SDHAF3: variants seen among roughly 807,000 people sequenced by gnomAD.
SDHAF3 encodes the protein succinate dehydrogenase complex assembly factor 3, also known as succinate dehydrogenase assembly factor 3, mitochondrial.
In SDHAF3, 18 loss-of-function variants were observed where a neutral mutation model predicts 11.5. The ratio of observed to expected loss-of-function variants is 1.56; its 90% CI spans 1.08 to 2.32. The LOEUF is 2.32. Among genes scored for constraint, SDHAF3 ranks in the 30% most tolerant of loss-of-function variants. The probability of loss-of-function intolerance (pLI) is 0.00; values close to 1 mark genes in which losing one functional copy is unlikely to be tolerated. For synonymous variants in SDHAF3, 72 were observed against 59.3 expected (o/e 1.21, Z -0.99); for missense variants, 200 against 154.4 (o/e 1.30, Z -1.57).
intron 1 of SDHAF3, among the ~76,000 whole-genome samples, chr7:97,139,955 T>C (rs539179723): frequency 6.6e-6 from 1 of 152,344 alleles, no homozygotes; most frequent in South Asian, 2.1e-4. Flanking sequence ...TGTCACCTTA[T>C]AAAATACAAC....
At chr7:97,166,280 A>G (rs545688018) in intron 1 of SDHAF3, among the ~76,000 whole-genome samples, 1 of 152,298 alleles carries the variant, frequency 6.6e-6, no homozygotes, top group South Asian at 2.1e-4. Context: ...AGCTTGCTTT[A>G]TACATTTTAG....
chr7:97,149,057 GTA>G (rs1173219169), intron 1 of SDHAF3, among the ~76,000 whole-genome samples: 2 of 151,966 alleles, frequency 1.3e-5, no homozygotes, highest in African/African-American at 2.4e-5. Flanking sequence ...CGCCTCCTGA[GTA>G]GCTGGGACTA....
intron 1 of SDHAF3, among the ~76,000 whole-genome samples, chr7:97,153,564 C>G (rs1442207447): frequency 6.6e-6 from 1 of 152,146 alleles, no homozygotes; most frequent in African/African-American, 2.4e-5. Flanking sequence ...GGATAAATAC[C>G]AAGGAATGCA....
At chr7:97,174,928 A>G (rs1364711199) in intron 1 of SDHAF3, among the ~76,000 whole-genome samples, 1 of 152,170 alleles carries the variant, frequency 6.6e-6, no homozygotes, top group East Asian at 1.9e-4. Context: ...TTGCATTCCC[A>G]TGGTGATGTT....
intron 1 of SDHAF3, among the ~76,000 whole-genome samples, chr7:97,177,105 T>C (rs1357843344): frequency 3.3e-5 from 5 of 152,110 alleles, no homozygotes; most frequent in Non-Finnish European, 5.9e-5. Context: ...AATTTAACTA[T>C]CATATGCTTA....
rs200273088 is a variant in SDHAF3 at position 97,158,127 on chromosome 7, TA to T, written c.175-22874del. On this transcript the variant is annotated intron_variant, in intron 1 of 1. Transcript: ENST00000432641. ...GTTGTGCACAGGTTAACTTAAAGTA[TA>T]AAAAAAAAAATACAATCATTGCTAG... Among the ~76,000 whole-genome samples the T allele has an allele frequency of 1.5e-3, 215 of 146,574 alleles. 2 individuals carry two copies. Among genetic ancestry groups the T allele is most frequent in the South Asian group, 8.8e-3 (41 of 4,652 alleles).
chr7:97,130,967 A>G (rs891700860), intron 1 of SDHAF3, among the ~76,000 whole-genome samples: 1 of 152,200 alleles, frequency 6.6e-6, no homozygotes, highest in Non-Finnish European at 1.5e-5. Context: ...TTTGCCAGGA[A>G]CTGGCAGCTC....
At chr7:97,151,095 A>G (rs1260337852) in intron 1 of SDHAF3, among the ~76,000 whole-genome samples, 25 of 152,120 alleles carry the variant, frequency 1.6e-4, no homozygotes, top group Admixed American at 1.6e-3. Flanking sequence ...AGCATCCCCC[A>G]CTGGAGTAGT....
chr7:97,163,293 C>CA (rs1054950285), intron 1 of SDHAF3, among the ~76,000 whole-genome samples: 1 of 152,004 alleles, frequency 6.6e-6, no homozygotes, highest in Non-Finnish European at 1.5e-5. Context: ...AGGCACCCGC[C>CA]ACCATGCCCA....
At chr7:97,141,965 AT>A (rs1301868230) in intron 1 of SDHAF3, among the ~76,000 whole-genome samples, 3 of 146,366 alleles carry the variant, frequency 2.0e-5, no homozygotes, top group African/African-American at 7.6e-5. Flanking sequence ...ATGAGTGATT[AT>A]TTTTTGACAA....
At chr7:97,150,118 C>T (rs924593424) in intron 1 of SDHAF3, among the ~76,000 whole-genome samples, 9 of 152,206 alleles carry the variant, frequency 5.9e-5, no homozygotes, top group Admixed American at 3.3e-4. Flanking sequence ...TCAGGCTCCA[C>T]TTCTGAAGTA....
intron 1 of SDHAF3, among the ~76,000 whole-genome samples, chr7:97,126,159 C>CT (rs759293680): frequency 9.2e-5 from 14 of 152,234 alleles, no homozygotes; most frequent in Non-Finnish European, 1.5e-4. Flanking sequence ...GCTGCCTGCT[C>CT]TTTCCTCTGG....
chr7:97,129,445 ATGGCTCCAT>A (rs1791631979), intron 1 of SDHAF3, among the ~76,000 whole-genome samples: 1 of 152,158 alleles, frequency 6.6e-6, no homozygotes, highest in Non-Finnish European at 1.5e-5. Flanking sequence ...TTGGCTGCTA[ATGGCTCCAT>A]TCTTGTTCTC....
At chr7:97,154,001 C>T (rs144480596) in intron 1 of SDHAF3, among the ~76,000 whole-genome samples, 3,818 of 152,272 alleles carry the variant, frequency 0.025, 149 homozygotes, top group African/African-American at 0.088. Flanking sequence ...CACCTGAGTG[C>T]AGGCAGGCTG....
At chr7:97,159,632 A>G (rs1251303381) in intron 1 of SDHAF3, among the ~76,000 whole-genome samples, 2 of 152,216 alleles carry the variant, frequency 1.3e-5, no homozygotes, top group Non-Finnish European at 2.9e-5. Flanking sequence ...ATTAAAGAAT[A>G]AGGCCTATTC....
At chr7:97,124,438 G>A (rs1056551996) in intron 1 of SDHAF3, among the ~76,000 whole-genome samples, 2 of 152,126 alleles carry the variant, frequency 1.3e-5, no homozygotes, top group African/African-American at 4.8e-5. Context: ...GATGCCTTGA[G>A]CCTTGTTCTT....
intron 1 of SDHAF3, among the ~76,000 whole-genome samples, chr7:97,172,317 A>G (rs1185409491): frequency 3.3e-5 from 5 of 152,154 alleles, no homozygotes; most frequent in Non-Finnish European, 7.4e-5. Flanking sequence ...AATGTGACCA[A>G]TCGTTATACC....
chr7:97,143,057 A>G (rs922008367), intron 1 of SDHAF3, among the ~76,000 whole-genome samples: 1 of 150,938 alleles, frequency 6.6e-6, no homozygotes, highest in Non-Finnish European at 1.5e-5. Flanking sequence ...ACGCCACCAC[A>G]TCTGGCGAAT....
At chr7:97,124,038 T>C (rs1791538843) in intron 1 of SDHAF3, among the ~76,000 whole-genome samples, 1 of 152,214 alleles carries the variant, frequency 6.6e-6, no homozygotes, top group Admixed American at 6.5e-5. Flanking sequence ...TTCGTTGCCA[T>C]TGCTGTTGGT....
Sources: allele counts gnomAD v4.1 joint callset (sites outside exome capture counted in the v4.1 genomes callset), GRCh38; gene constraint gnomAD v4.1.1; transcripts MANE v1.5; gene names NCBI Gene and HGNC (gene_info 2026-07-23, HGNC 2026-07-21).